The following TERF2 variants were observed in gnomAD, a reference collection of about 807,000 sequenced individuals.
TERF2 encodes the protein telomeric repeat binding factor 2, also known as telomeric repeat-binding factor 2.
Under a neutral mutation model 56.1 loss-of-function variants are expected in TERF2, and 16 were observed. That is an observed-to-expected ratio of 0.29 (90% CI 0.19 to 0.43). The LOEUF is 0.43. TERF2 is among the 20% of genes least tolerant of loss of function. The pLI, the probability that TERF2 is intolerant of heterozygous loss-of-function variation, is 1.00. For synonymous variants in TERF2, 296 were observed against 282.1 expected, an observed-to-expected ratio of 1.05 and a Z score of -0.50; for missense variants, 547 against 712.9, an observed-to-expected ratio of 0.77 and a Z score of 2.65.
At chr16:69,384,008 C>A (rs368549360) in intron 3 of TERF2, among the ~76,000 whole-genome samples, 2 of 152,234 alleles carry the variant, frequency 1.3e-5, no homozygotes, top group East Asian at 3.9e-4. Context: ...AGTGACAATC[C>A]CAAATTCCTA....
intron 7 of TERF2, among the ~76,000 whole-genome samples, chr16:69,364,722 C>G (rs962518492): frequency 2.6e-5 from 4 of 152,310 alleles, no homozygotes; most frequent in African/African-American, 9.6e-5. Flanking sequence ...CCCAGGCCAG[C>G]TCAATGTTTG....
chr16:69,359,129 T>C (rs928783091), intron 8 of TERF2, among the ~76,000 whole-genome samples: 3 of 152,234 alleles, frequency 2.0e-5, no homozygotes, highest in African/African-American at 7.2e-5. Context: ...TCACCATATA[T>C]GCAGTCCATC....
intron 3 of TERF2, among the ~76,000 whole-genome samples, chr16:69,384,057 G>A (rs950768167): frequency 3.3e-5 from 5 of 152,094 alleles, no homozygotes; most frequent in Non-Finnish European, 2.9e-5. Flanking sequence ...CAAGAACACT[G>A]CCTGTGCCGG....
chr16:69,366,917 G>A lies in TERF2; in HGVS notation c.1230C>T (p.Ser410=). The A allele has an allele frequency of 1.2e-6, 2 of 1,614,208 alleles. No individual in the cohort carries two copies. Among genetic ancestry groups the A allele is most frequent in the Non-Finnish European group, 1.7e-6 (2 of 1,180,024 alleles). The change falls in exon 7 of 10, where the codon AGC becomes AGT. Residue 410 remains serine, a synonymous_variant. Transcript: ENST00000254942. ...GGCCTGCGCTGGGCTCAGTACTCTGGCTGTCCTCCTCCAAGACCAATCTGC... is the reference window on the plus strand; with the variant it reads ...GGCCTGCGCTGGGCTCAGTACTCTGACTGTCCTCCTCCAAGACCAATCTGC... ...TISRLVLEED[S]QSTEPSAGLN... is the part of the protein sequence containing the mutation.
chr16:69,376,286 A>T (rs899413776), intron 3 of TERF2, among the ~76,000 whole-genome samples: 3 of 152,174 alleles, frequency 2.0e-5, no homozygotes, highest in Non-Finnish European at 1.5e-5. Context: ...TTGTTTCAAT[A>T]CCATTTGTTG....
intron 3 of TERF2, among the ~76,000 whole-genome samples, chr16:69,380,514 CA>C (rs1351723170): frequency 6.6e-6 from 1 of 151,216 alleles, no homozygotes; most frequent in Non-Finnish European, 1.5e-5. Context: ...AAAAATTAGC[CA>C]GGGGTGGTGG....
chr16:69,379,509 G>A (rs2013916316), intron 3 of TERF2, among the ~76,000 whole-genome samples: 1 of 152,208 alleles, frequency 6.6e-6, no homozygotes, highest in Admixed American at 6.5e-5. Context: ...GTTATGAGGA[G>A]AAAACAAATA....
rs997869541 is a variant in TERF2 at position 69,368,715 on chromosome 16, C to A, written c.841-233G>T. On this transcript the variant is annotated intron_variant, in intron 5 of 9. Transcript: ENST00000254942. ...TTTTTGAGAGGGAGTCTTGCTCTGT[C>A]GCCCAGGCTGCAGCACAGTGGTGCA... 7.0e-6 allele frequency: 7 copies of A among 1,001,320 alleles called. No homozygotes were observed. The Middle Eastern group carries it at 1.8e-3, about 255-fold the overall frequency. 62.0% of individuals were successfully genotyped at this position (1,001,320 alleles called of 1,614,324 possible). A position where few individuals can be genotyped will look rare whatever the true frequency, so the allele number is the denominator to read the frequency against.
At chr16:69,365,692 A>G (rs1021519812) in intron 7 of TERF2, 3 of 152,124 alleles carry the variant, frequency 2.0e-5, no homozygotes, top group Admixed American at 2.0e-4. Flanking sequence ...CGCCTGGCGA[A>G]TTTTTGTATT....
intron 7 of TERF2, among the ~76,000 whole-genome samples, chr16:69,362,063 C>G (rs1238684213): frequency 1.3e-5 from 2 of 151,674 alleles, no homozygotes; most frequent in Non-Finnish European, 2.9e-5. Context: ...TCTGCCTGAA[C>G]AGTGGCATCT....
intron 3 of TERF2, among the ~76,000 whole-genome samples, chr16:69,381,141 C>T (rs571183641): frequency 2.0e-5 from 3 of 152,256 alleles, no homozygotes; most frequent in Admixed American, 6.5e-5. Flanking sequence ...GTTAATATTA[C>T]CAATCTTCAG....
chr16:69,380,655 TAAA>T (rs771517864), intron 3 of TERF2, among the ~76,000 whole-genome samples: 2 of 128,802 alleles, frequency 1.6e-5, no homozygotes, highest in African/African-American at 2.8e-5. Context: ...AGACTACGTC[TAAA>T]AAAAAAAAAA....
At chr16:69,361,238 G>GAA (rs375985765) in intron 8 of TERF2, 166 bp downstream of exon 8, 6,759 of 522,152 alleles carry the variant, frequency 0.013, no homozygotes, top group South Asian at 0.016. Context: ...TCTGAAAAAG[G>GAA]AAAAAAAAAA....
rs1021093830 is a variant in TERF2 at position 69,356,724 on chromosome 16, C to T, written c.*174G>A. On this transcript the variant is annotated 3_prime_UTR_variant, in exon 10 of 10. Transcript: ENST00000254942. The stretch of plus-strand genomic sequence containing the variant: ...CTGAGGCAGGAGAATGGCGTGAGCC[C>T]GGGAGACGGAGGTCGCAGTGAGCCG... 4.0e-5 allele frequency: 26 copies of T among 649,244 alleles called. No individual in the cohort carries two copies. The highest frequency in any genetic ancestry group is 5.3e-5 in the Non-Finnish European group (22 of 418,976). 40.2% of individuals were successfully genotyped at this position (649,244 alleles called of 1,614,324 possible). A position where few individuals can be genotyped will look rare whatever the true frequency, so the allele number is the denominator to read the frequency against.
chr16:69,359,466 T>C (rs2013044793), intron 8 of TERF2, among the ~76,000 whole-genome samples: 1 of 148,824 alleles, frequency 6.7e-6, no homozygotes, highest in African/African-American at 2.5e-5. Context: ...AGGTGGAGGT[T>C]GCGGTGAGGC....
At chr16:69,369,867 A>C (rs2142735281) in intron 5 of TERF2, among the ~76,000 whole-genome samples, 1 of 152,202 alleles carries the variant, frequency 6.6e-6, no homozygotes, top group East Asian at 1.9e-4. Flanking sequence ...CCTTCCTCCA[A>C]ACTTAGTTCA....
chr16:69,384,766 T>G, intron 2 of TERF2, 56 bp from the exon 3 acceptor site: 1 of 1,477,036 alleles, frequency 6.8e-7, no homozygotes, highest in Non-Finnish European at 9.1e-7. Context: ...AAAAAAGTTA[T>G]GTCCAAAAAT....
In TERF2 at chr16:69,370,555, A is replaced by G; in HGVS notation, c.768T>C (p.Tyr256=). The change falls in exon 5 of 10, where the codon TAT becomes TAC. Residue 256 remains tyrosine, a synonymous_variant. Transcript: ENST00000254942. The part of the protein sequence containing the change: ...LAHPVIQNFS[Y]ETFQQKMLRF... The stretch of plus-strand genomic sequence containing the variant: ...GCAGCATCTTCTGCTGGAAGGTCTC[A>G]TATGAAAAGTTCTGGATAACAGGAT... The G allele has an allele frequency of 6.2e-7, 1 of 1,614,190 alleles. No homozygotes were observed. The highest frequency in any genetic ancestry group is 1.1e-5 in the South Asian group (1 of 91,092).
At chr16:69,379,797 G>T (rs1190510150) in intron 3 of TERF2, among the ~76,000 whole-genome samples, 1 of 152,174 alleles carries the variant, frequency 6.6e-6, no homozygotes, top group Non-Finnish European at 1.5e-5. Context: ...TTAATGAGAA[G>T]GGTGACATTT....
Sources: allele counts gnomAD v4.1 joint callset (sites outside exome capture counted in the v4.1 genomes callset), GRCh38; gene constraint gnomAD v4.1.1; transcripts MANE v1.5; gene names NCBI Gene and HGNC (gene_info 2026-07-23, HGNC 2026-07-21).